The following OPTN variants were observed in gnomAD, a reference collection of about 807,000 sequenced individuals.
The protein encoded by OPTN is optineurin.
In OPTN, 54 loss-of-function variants were observed where a neutral mutation model predicts 70.4. That is an observed-to-expected ratio of 0.77 (90% confidence interval 0.62 to 0.96). OPTN has a LOEUF of 0.96. Ranked by LOEUF, OPTN falls within the 40% of genes least tolerant of loss-of-function variation. The pLI is 0.00. For missense variants in OPTN, 624 were observed against 673.2 expected (o/e 0.93, Z 0.81); for synonymous variants, 256 against 248.5 (o/e 1.03, Z -0.28).
Position 13,126,283 on chromosome 10 carries a change from C to CCTTTTTTTTTTTT in OPTN, c.1242+244_1242+245insCTTTTTTTTTTTT, listed in dbSNP as rs771767144. 1.7e-3 allele frequency among the ~76,000 whole-genome samples: 237 copies of CCTTTTTTTTTTTT among 139,010 alleles called. 8 individuals are homozygous for CCTTTTTTTTTTTT. Among genetic ancestry groups the CCTTTTTTTTTTTT allele is most frequent in the African/African-American group, 6.1e-3 (225 of 36,666 alleles). The allele number at this position is 139,010 out of a possible 152,430, so 91.2% of individuals were successfully genotyped here. On this transcript the variant is annotated intron_variant, in intron 11 of 14. Transcript: ENST00000378747. ...GTCAGGGATTAAGCACTTCGTATTT[C>CCTTTTTTTTTTTT]TTTTTTTTTTTTTTTGAGACGGAGT... is the stretch of plus-strand genomic sequence containing the variant.
chr10:13,105,851 G>A (rs1208959138), intron 1 of OPTN, among the ~76,000 whole-genome samples: 1 of 151,894 alleles, frequency 6.6e-6, no homozygotes, highest in African/African-American at 2.4e-5. Flanking sequence ...AGAGGTTGCA[G>A]TGAACTGAGA....
intron 3 of OPTN, chr10:13,109,601 G>A (rs541334456): frequency 1.8e-5 from 6 of 338,216 alleles, no homozygotes; most frequent in African/African-American, 1.3e-4. Flanking sequence ...CGAGGCAGAA[G>A]GATTGCTTGA....
chr10:13,124,088 A>C lies in OPTN; in HGVS notation c.976A>C (p.Met326Leu), dbSNP rs1297730419. ...TACAAAACTCAGCGAAGCTGAGCTA[A>C]TGAAGAAGAGACTTCAAGAAAAGTA... is the stretch of plus-strand genomic sequence containing the variant. ...AHTKLSEAEL[M>L]KKRLQEKCQA... Residue 326 changes from methionine (M) to leucine (L), a missense_variant, in exon 9 of 15, where the codon ATG becomes CTG. Physicochemically the swap from Met to Leu is conservative, Grantham distance 15. Coordinates refer to ENST00000378747, the MANE Select transcript of OPTN (RefSeq NM_001008212.2). 6.2e-7 allele frequency: 1 copy of C among 1,608,978 alleles called. No homozygotes were observed. Among genetic ancestry groups the C allele is most frequent in the Admixed American group, 1.7e-5 (1 of 59,880 alleles).
At chr10:13,104,425 CTTTT>C (rs34844442) in intron 1 of OPTN, 1,871 of 147,990 alleles carry the variant, frequency 0.013, no homozygotes, top group South Asian at 0.038. Flanking sequence ...CACCCAGCTA[CTTTT>C]TTTTTTTTTT....
At chr10:13,110,251 C>G (rs753273532) in intron 3 of OPTN, 23 bp from the exon 4 acceptor site, 1 of 1,612,406 alleles carries the variant, frequency 6.2e-7, no homozygotes, top group South Asian at 1.1e-5. Context: ...GTGTGTGACT[C>G]CATCACTCTG....
At chr10:13,128,502 C>CATTTTTTTTT (rs1833518868) in intron 12 of OPTN, among the ~76,000 whole-genome samples, 1 of 33,452 alleles carries the variant, frequency 3.0e-5, no homozygotes, top group Admixed American at 2.0e-4. Context: ...TCAAGCCTGC[C>CATTTTTTTTT]TTTTTTTTTT....
rs1832706819 is a variant in OPTN, at chr10:13,100,164, G to C, written c.-302G>C. On this transcript the variant is annotated 5_prime_UTR_variant, in exon 1 of 15. Coordinates refer to ENST00000378747, the MANE Select transcript of OPTN (RefSeq NM_001008212.2). ...CCGCGCATCAGCCCTAGGCACCCCA[G>C]TCCCGGCTGCCCCCTCCGCCACCGC... 6.5e-6 allele frequency: 1 copy of C among 153,660 alleles called. No individual in the cohort carries two copies. Among genetic ancestry groups the C allele is most frequent in the African/African-American group, 2.4e-5 (1 of 41,468 alleles). The allele number at this position is 153,660 out of a possible 1,614,324, so 9.5% of individuals were successfully genotyped here.
At chr10:13,124,339 A>T (rs1588446983) in intron 9 of OPTN, among the ~76,000 whole-genome samples, 1 of 152,326 alleles carries the variant, frequency 6.6e-6, no homozygotes, top group East Asian at 1.9e-4. Context: ...ATTTAGGGGC[A>T]TTTGTTAAAT....
At position 13,112,460 on chromosome 10, in the gene OPTN, C is replaced by T. The variant is rs142282480; in HGVS notation, c.377C>T (p.Thr126Ile). 17 of 1,613,912 alleles carry T rather than the reference C, an allele frequency of 1.1e-5. No individual in the cohort carries two copies. Among genetic ancestry groups the T allele is most frequent in the Non-Finnish European group, 1.4e-5 (16 of 1,180,020 alleles). Residue 126 changes from threonine (T) to isoleucine (I), a missense_variant, in exon 5 of 15, where the codon ACT becomes ATT. Coordinates refer to ENST00000378747, the MANE Select transcript of OPTN (RefSeq NM_001008212.2). The part of the protein sequence containing the change: ...GKSERSSEDP[T>I]DDSRLPRAEA... ...ACTCCTTGTCATCTCCAGGACCCCA[C>T]TGATGACTCCAGGCTTCCCAGGGCC...
At chr10:13,126,167 T>C in intron 11 of OPTN, 128 bp downstream of exon 11, 1 of 681,212 alleles carries the variant, frequency 1.5e-6, no homozygotes, top group Non-Finnish European at 2.6e-6. Flanking sequence ...CAATGTATCA[T>C]TATTTCTTGC....
chr10:13,121,500 T>TAA (rs200687404), intron 7 of OPTN, among the ~76,000 whole-genome samples: 21,607 of 89,002 alleles, frequency 0.24, 3,834 homozygotes, highest in African/African-American at 0.31. Flanking sequence ...GATTATCCTG[T>TAA]AAAAAAAAAA....
rs182197596 is a variant in OPTN at position 13,133,453 on chromosome 10, T to C, written c.1533-49T>C. On this transcript the variant is annotated intron_variant, in intron 13 of 14. Coordinates refer to ENST00000378747, the MANE Select transcript of OPTN (RefSeq NM_001008212.2). ...GGACTGTCTGCTCAGTGTTGTCATG[T>C]TTCGGGGTTGTAGAACATCACACAG... The C allele has an allele frequency of 6.8e-4, 1,031 of 1,509,336 alleles. 7 individuals are homozygous for C. In the African/African-American group the frequency reaches 0.012, roughly 18 times the overall value. 93.5% of individuals were successfully genotyped at this position (1,509,336 alleles called of 1,614,324 possible). A position where few individuals can be genotyped will look rare whatever the true frequency, so the allele number is the denominator to read the frequency against.
In OPTN at chr10:13,115,082, G is replaced by C. The variant is rs1325382892; in HGVS notation, c.553-1185G>C. Among the ~76,000 whole-genome samples, 7 of 28,146 alleles carry C rather than the reference G, an allele frequency of 2.5e-4. 1 individual carries two copies. Among genetic ancestry groups the C allele is most frequent in the African/African-American group, 3.7e-4 (3 of 8,084 alleles). The allele number at this position is 28,146 out of a possible 152,430, so 18.5% of individuals were successfully genotyped here. On this transcript the variant is annotated intron_variant, in intron 5 of 14. Coordinates refer to ENST00000378747, the MANE Select transcript of OPTN (RefSeq NM_001008212.2). ...ATATGTATATATATTTATATATATA[G>C]ATATATCTATTTTATATATTTTTAT...
upstream of OPTN, chr10:13,100,152 C>G (rs369971287): frequency 6.5e-6 from 1 of 153,366 alleles, no homozygotes; most frequent in Admixed American, 6.5e-5. Context: ...CGCATCAGCC[C>G]TAGGCACCCC....
At chr10:13,122,224 A>G (rs1833366000) in intron 7 of OPTN, among the ~76,000 whole-genome samples, 161 bp from the exon 8 acceptor site, 1 of 152,208 alleles carries the variant, frequency 6.6e-6, no homozygotes, top group Non-Finnish European at 1.5e-5. Context: ...TTAGGATGAA[A>G]AATAAAACTA....
At chr10:13,119,072 T>C (rs1271115596) in intron 7 of OPTN, 32 bp downstream of exon 7, 1 of 1,599,012 alleles carries the variant, frequency 6.3e-7, no homozygotes, top group South Asian at 1.1e-5. Flanking sequence ...AATATGTGTT[T>C]TTTTAAAACA....
At chr10:13,121,970 C>T (rs1022395242) in intron 7 of OPTN, among the ~76,000 whole-genome samples, 1 of 152,044 alleles carries the variant, frequency 6.6e-6, no homozygotes, top group Non-Finnish European at 1.5e-5. Context: ...TTTTTGTTGT[C>T]GTTTATTCGG....
chr10:13,106,732 A>T (rs556520992), intron 1 of OPTN, among the ~76,000 whole-genome samples: 197 of 152,210 alleles, frequency 1.3e-3, no homozygotes, highest in Non-Finnish European at 1.9e-3. Context: ...CAAGGACGCA[A>T]CACCACAGTG....
intron 5 of OPTN, among the ~76,000 whole-genome samples, chr10:13,115,469 GAA>G (rs1491131968): frequency 3.3e-5 from 3 of 89,660 alleles, no homozygotes; most frequent in East Asian, 3.1e-4. Flanking sequence ...ATATAATATA[GAA>G]TATATATAAT....
Sources: allele counts gnomAD v4.1 joint callset (sites outside exome capture counted in the v4.1 genomes callset), GRCh38; gene constraint gnomAD v4.1.1; transcripts MANE v1.5; gene names NCBI Gene and HGNC (gene_info 2026-07-23, HGNC 2026-07-21).